LRP5: variants seen among roughly 807,000 people sequenced by gnomAD.
LRP5 encodes LDL receptor related protein 5, also known as low-density lipoprotein receptor-related protein 5.
LRP5 carries 62 observed loss-of-function variants against 154.1 expected under a neutral mutation model. That is an observed-to-expected ratio of 0.40 (90% CI 0.33 to 0.50). The LOEUF (loss-of-function observed/expected upper bound fraction) is 0.50. Ranked by LOEUF, LRP5 falls within the 20% of genes least tolerant of loss-of-function variation. The probability of loss-of-function intolerance (pLI) is 0.55; values close to 1 mark genes in which losing one functional copy is unlikely to be tolerated. For missense variants in LRP5, 1,915 were observed against 2,336.7 expected, an observed-to-expected ratio of 0.82 and a Z score of 3.72; for synonymous variants, 966 against 1,011.5, an observed-to-expected ratio of 0.96 and a Z score of 0.85.
intron 1 of LRP5, among the ~76,000 whole-genome samples, chr11:68,343,963 G>A (rs1295992501): frequency 1.3e-5 from 2 of 152,138 alleles, no homozygotes; most frequent in Non-Finnish European, 1.5e-5. Flanking sequence ...CAGTGTCTTG[G>A]AGTTGGGGTG....
In LRP5 at chr11:68,410,413, G is replaced by A. The variant is rs112410580; in HGVS notation, c.2318+273G>A. Among the ~76,000 whole-genome samples, 23 of 152,270 alleles carry A rather than the reference G, an allele frequency of 1.5e-4. 1 individual carries two copies. The highest frequency in any genetic ancestry group is 5.5e-4 in the African/African-American group (23 of 41,556). On this transcript the variant is annotated intron_variant, in intron 10 of 22. Coordinates refer to ENST00000294304, the MANE Select transcript of LRP5 (RefSeq NM_002335.4). ...GTGTCCATGGAGCCTGCGTAGGGTG[G>A]GTATCTGTGTCGATTTTACAGATGC...
At chr11:68,299,754 TGTAC>T in the LRP5 span, among the ~76,000 whole-genome samples, 10 of 149,016 alleles carry the variant, frequency 6.7e-5, no homozygotes, top group South Asian at 4.2e-4. Context: ...GGCTGATTTT[TGTAC>T]TTTTAGTGGA....
At chr11:68,404,283 GCGGGC>G in intron 8 of LRP5, 1 of 529,226 alleles carries the variant, frequency 1.9e-6, no homozygotes, top group Non-Finnish European at 3.7e-6. Flanking sequence ...CCTGGGGCTC[GCGGGC>G]AGGGACTCTG....
chr11:68,324,626 A>T (rs1294295589), intron 1 of LRP5, among the ~76,000 whole-genome samples: 1 of 152,274 alleles, frequency 6.6e-6, no homozygotes, highest in Non-Finnish European at 1.5e-5. Context: ...AAAAATTTCC[A>T]TCTGTTTTGA....
At chr11:68,340,377 A>G (rs1241610763) in intron 1 of LRP5, among the ~76,000 whole-genome samples, 1 of 152,238 alleles carries the variant, frequency 6.6e-6, no homozygotes, top group Admixed American at 6.5e-5. Flanking sequence ...AATCCAGGCA[A>G]CTGAGTCTGA....
chr11:68,350,867 A>G (rs1368743782), intron 2 of LRP5, among the ~76,000 whole-genome samples: 1 of 151,648 alleles, frequency 6.6e-6, no homozygotes, highest in African/African-American at 2.4e-5. Flanking sequence ...TGAGCAACTG[A>G]GTGTGGGAGT....
At position 68,312,683 on chromosome 11, in the gene LRP5, C is replaced by A. The variant is rs1053413685; in HGVS notation, c.-32C>A. On this transcript the variant is annotated 5_prime_UTR_variant, in exon 1 of 23. Transcript: ENST00000294304. ...CGCCGCGCCATGGAGCCCGAGTGAG[C>A]GCGGCGCGGGCCCGTCCGGCCGCCG... 6.3e-6 allele frequency: 6 copies of A among 958,468 alleles called. No homozygotes were observed. The highest frequency in any genetic ancestry group is 3.6e-5 in the African/African-American group (2 of 55,562). 59.4% of individuals were successfully genotyped at this position (958,468 alleles called of 1,614,324 possible).
At chr11:68,383,688 G>A (rs1232422711) in intron 5 of LRP5, among the ~76,000 whole-genome samples, 1 of 152,250 alleles carries the variant, frequency 6.6e-6, no homozygotes, top group African/African-American at 2.4e-5. Context: ...GGAGAGCAGG[G>A]GGCTTGTGCC....
intron 6 of LRP5, among the ~76,000 whole-genome samples, chr11:68,387,562 G>A (rs1362096543): frequency 6.6e-6 from 1 of 152,226 alleles, no homozygotes; most frequent in Non-Finnish European, 1.5e-5. Context: ...GTGTGGGGCT[G>A]GGCCTGGCAG....
rs1304066279 is a variant in LRP5 at position 68,375,129 on chromosome 11, C to A, written c.1015+9427C>A. Among the ~76,000 whole-genome samples, 5 of 152,358 alleles carry A rather than the reference C, an allele frequency of 3.3e-5. No individual in the cohort carries two copies. The South Asian group carries it at 8.3e-4, about 25-fold the overall frequency. On this transcript the variant is annotated intron_variant, in intron 5 of 22. Transcript: ENST00000294304. ...GGACGCCCACGTTGCCCAGACAGAA[C>A]CCTTGTGCGGCTGCGGGCACTCCTT...
At chr11:68,321,774 C>T (rs1489393575) in intron 1 of LRP5, among the ~76,000 whole-genome samples, 1 of 152,214 alleles carries the variant, frequency 6.6e-6, no homozygotes. Flanking sequence ...AATGTGGGCA[C>T]CTTTCATTTC....
intron 1 of LRP5, among the ~76,000 whole-genome samples, chr11:68,345,112 C>T (rs745770783): frequency 2.0e-5 from 3 of 151,870 alleles, no homozygotes; most frequent in Non-Finnish European, 4.4e-5. Flanking sequence ...ATCCACCCGC[C>T]TCAGCCTCCC....
intron 17 of LRP5, 35 bp from the exon 18 acceptor site, chr11:68,433,567 G>A (rs763053032): frequency 6.4e-7 from 1 of 1,566,340 alleles, no homozygotes; most frequent in Non-Finnish European, 8.8e-7. Flanking sequence ...GCTGGGCGGG[G>A]CTGCGTGTGA....
intron 12 of LRP5, among the ~76,000 whole-genome samples, chr11:68,415,183 G>A (rs2098661832): frequency 6.6e-6 from 1 of 152,206 alleles, no homozygotes; most frequent in Admixed American, 6.5e-5. Flanking sequence ...CTAGAGAGCT[G>A]GTTCTTCGGA....
In LRP5 at chr11:68,441,442, G is replaced by T. The variant is rs371312752; in HGVS notation, c.4488+1526G>T. On this transcript the variant is annotated intron_variant, in intron 21 of 22. Coordinates refer to ENST00000294304, the MANE Select transcript of LRP5 (RefSeq NM_002335.4). ...CCTGGGAAGGAAGTAGCAGAAGAGG[G>T]TTCTTCTTGGTTTCCTGGACAGTAA... is the stretch of plus-strand genomic sequence containing the variant. Among the ~76,000 whole-genome samples, 18 of 152,318 alleles carry T rather than the reference G, an allele frequency of 1.2e-4. No individual in the cohort carries two copies. In the East Asian group the frequency reaches 1.7e-3, roughly 15 times the overall value.
chr11:68,425,718 T>C (rs1418534351), intron 15 of LRP5, among the ~76,000 whole-genome samples: 1 of 152,160 alleles, frequency 6.6e-6, no homozygotes. Context: ...GGGCCATGCT[T>C]GCAGGGGCCA....
chr11:68,345,199 A>G (rs2098611905), intron 1 of LRP5, among the ~76,000 whole-genome samples: 1 of 151,432 alleles, frequency 6.6e-6, no homozygotes, highest in African/African-American at 2.4e-5. Flanking sequence ...ATAGTACTCC[A>G]TTGTGTGGAT....
chr11:68,427,713 A>G (rs1200414687), intron 16 of LRP5, among the ~76,000 whole-genome samples: 1 of 151,682 alleles, frequency 6.6e-6, no homozygotes, highest in African/African-American at 2.4e-5. Flanking sequence ...GGTAGTGACA[A>G]AGAGACCCTA....
chr11:68,438,455 A>T lies in LRP5; in HGVS notation c.4121A>T (p.Lys1374Met). The T allele has an allele frequency of 6.2e-7, 1 of 1,614,070 alleles. No homozygotes were observed. Among genetic ancestry groups the T allele is most frequent in the Non-Finnish European group, 8.5e-7 (1 of 1,180,004 alleles). Reference sequence around the variant, plus strand: ...TGTTTGTCTCTGGCAGAAATCACCAAGCCGCCCTCAGACGACAGCCCGGCC... The same window carrying T: ...TGTTTGTCTCTGGCAGAAATCACCATGCCGCCCTCAGACGACAGCCCGGCC... Reference protein sequence around the residue: ...GSDELMCEITKPPSDDSPAHS... With the variant: ...GSDELMCEITMPPSDDSPAHS... Residue 1374 changes from lysine to methionine, a missense_variant, in exon 20 of 23, where the codon AAG (lysine) becomes ATG (methionine). Transcript: ENST00000294304.
Sources: allele counts gnomAD v4.1 joint callset (sites outside exome capture counted in the v4.1 genomes callset), GRCh38; gene constraint gnomAD v4.1.1; transcripts MANE v1.5; gene names NCBI Gene and HGNC (gene_info 2026-07-23, HGNC 2026-07-21).